SAMD12: variants seen among roughly 807,000 people sequenced by gnomAD.
SAMD12 encodes sterile alpha motif domain-containing protein 12.
In SAMD12, 9 loss-of-function variants were observed where a neutral mutation model predicts 15.0. The ratio of observed to expected loss-of-function variants is 0.60; its 90% CI spans 0.36 to 1.05. The LOEUF is 1.05. Among genes scored for constraint, SAMD12 ranks in the 50% least tolerant of loss-of-function variants. The probability of loss-of-function intolerance (pLI) is 0.01; values close to 1 mark genes in which losing one functional copy is unlikely to be tolerated. For synonymous variants in SAMD12, 86 were observed against 90.1 expected (o/e 0.96, Z 0.25); for missense variants, 230 against 234.2 (o/e 0.98, Z 0.12).
the SAMD12 span, among the ~76,000 whole-genome samples, chr8:118,141,036 A>G: frequency 6.6e-6 from 1 of 152,210 alleles, no homozygotes; most frequent in South Asian, 2.1e-4. Flanking sequence ...ACTAATAAAC[A>G]CTGCATTATT....
intron 4 of SAMD12, among the ~76,000 whole-genome samples, chr8:118,310,729 A>G (rs1815585477): frequency 6.6e-6 from 1 of 152,198 alleles, no homozygotes. Context: ...AGTCATTTCT[A>G]GAATGCCAGC....
intron 2 of SAMD12, among the ~76,000 whole-genome samples, chr8:118,536,176 A>G (rs1479785649): frequency 6.6e-6 from 1 of 152,068 alleles, no homozygotes; most frequent in Non-Finnish European, 1.5e-5. Context: ...CTAATTTTCT[A>G]TTAGGATATA....
chr8:118,339,591 G>A (rs983913339), intron 4 of SAMD12, among the ~76,000 whole-genome samples: 2 of 152,184 alleles, frequency 1.3e-5, no homozygotes, highest in South Asian at 2.1e-4. Flanking sequence ...ACGTGGCCTC[G>A]CTGCGTTTCT....
At chr8:118,135,682 A>G in the SAMD12 span, among the ~76,000 whole-genome samples, 1 of 152,180 alleles carries the variant, frequency 6.6e-6, no homozygotes. Context: ...AGCTGGGACC[A>G]TAGGCATGTG....
chr8:118,268,698 C>T (rs999833101), intron 4 of SAMD12, among the ~76,000 whole-genome samples: 2 of 152,064 alleles, frequency 1.3e-5, no homozygotes, highest in Admixed American at 6.5e-5. Context: ...CCTGTAATCC[C>T]AGCTACTTGG....
At chr8:118,523,391 C>T (rs1347712222) in intron 2 of SAMD12, among the ~76,000 whole-genome samples, 2 of 152,172 alleles carry the variant, frequency 1.3e-5, no homozygotes, top group East Asian at 3.9e-4. Flanking sequence ...TGAATCAGCT[C>T]CCATAATCTA....
chr8:118,472,701 G>A (rs1331475367), intron 2 of SAMD12, among the ~76,000 whole-genome samples: 2 of 152,066 alleles, frequency 1.3e-5, no homozygotes, highest in South Asian at 2.1e-4. Context: ...AATTAAAAAG[G>A]AAGAAGAGCA....
In SAMD12 at chr8:118,307,144, G is replaced by A. The variant is rs112907844; in HGVS notation, c.433+72416C>T. On this transcript the variant is annotated intron_variant, in intron 4 of 4. Coordinates refer to the SAMD12 transcript ENST00000409003. ...CACAAGAAAGGCCATTAGTGTCCTA[G>A]TCTGCTAGCCCCTCTTCATGGAGCT... is the stretch of plus-strand genomic sequence containing the variant. Among the ~76,000 whole-genome samples, 627 of 152,336 alleles carry A rather than the reference G, an allele frequency of 4.1e-3. 5 individuals are homozygous for A. Among genetic ancestry groups the A allele is most frequent in the African/African-American group, 0.014 (598 of 41,578 alleles).
chr8:118,292,039 T>C (rs967511142), intron 4 of SAMD12, among the ~76,000 whole-genome samples: 7 of 151,402 alleles, frequency 4.6e-5, no homozygotes, highest in Admixed American at 2.6e-4. Context: ...GAAATTGAAT[T>C]CTATTGCCCA....
Position 118,603,799 on chromosome 8 carries a change from G to T in SAMD12, c.13+18005C>A, listed in dbSNP as rs569524225. Among the ~76,000 whole-genome samples, 4 of 152,248 alleles carry T rather than the reference G, an allele frequency of 2.6e-5. No homozygotes were observed. In the East Asian group the frequency reaches 7.7e-4, roughly 29 times the overall value. ...GAACAAATATCAGAATTCTTTGGTG[G>T]GGGGAATTTCTTCAATGAGAAGAAA... is the stretch of plus-strand genomic sequence containing the variant. On this transcript the variant is annotated intron_variant, in intron 1 of 3. Coordinates refer to ENST00000314727, the MANE Select transcript of SAMD12 (RefSeq NM_207506.3).
chr8:118,339,928 G>A (rs1817266274), intron 4 of SAMD12, among the ~76,000 whole-genome samples: 1 of 152,218 alleles, frequency 6.6e-6, no homozygotes, highest in East Asian at 1.9e-4. Context: ...TGCTACCCAG[G>A]CGGCATGACC....
intron 4 of SAMD12, among the ~76,000 whole-genome samples, chr8:118,200,403 C>A (rs1324239508): frequency 4.6e-4 from 52 of 114,180 alleles, no homozygotes; most frequent in South Asian, 9.2e-4. Context: ...ATTAGAGTAC[C>A]AAAAAAAAAA....
chr8:118,591,935 C>T (rs917263458), intron 1 of SAMD12, among the ~76,000 whole-genome samples: 1 of 152,072 alleles, frequency 6.6e-6, no homozygotes, highest in Non-Finnish European at 1.5e-5. Flanking sequence ...ATTCAAAGGA[C>T]TTTTCATCCT....
chr8:118,451,647 G>A (rs1232880112), intron 2 of SAMD12, among the ~76,000 whole-genome samples: 1 of 152,154 alleles, frequency 6.6e-6, no homozygotes, highest in Admixed American at 6.5e-5. Context: ...CCATGCTGTT[G>A]GCACTGTGTT....
chr8:118,478,642 C>G (rs1445957475), intron 2 of SAMD12, among the ~76,000 whole-genome samples: 2 of 152,224 alleles, frequency 1.3e-5, no homozygotes, highest in Non-Finnish European at 2.9e-5. Context: ...AATGGCAGAA[C>G]TGACCAGGCA....
At chr8:118,521,086 G>A (rs376384897) in intron 2 of SAMD12, among the ~76,000 whole-genome samples, 11 of 152,280 alleles carry the variant, frequency 7.2e-5, no homozygotes, top group Admixed American at 2.6e-4. Flanking sequence ...CAGTGAGAAT[G>A]CCTGTCTGTT....
At chr8:118,242,162 T>A (rs1282929926) in intron 4 of SAMD12, among the ~76,000 whole-genome samples, 2 of 152,138 alleles carry the variant, frequency 1.3e-5, no homozygotes, top group African/African-American at 4.8e-5. Flanking sequence ...TGATCCACCC[T>A]CCTTGGCCTC....
At chr8:118,326,017 G>A (rs963937474) in intron 4 of SAMD12, among the ~76,000 whole-genome samples, 1 of 152,152 alleles carries the variant, frequency 6.6e-6, no homozygotes, top group Non-Finnish European at 1.5e-5. Context: ...ACTTCACGCC[G>A]GAAGCCCATG....
chr8:118,586,903 T>G (rs900773983), intron 1 of SAMD12, among the ~76,000 whole-genome samples: 5 of 152,196 alleles, frequency 3.3e-5, no homozygotes, highest in African/African-American at 4.8e-5. Context: ...GTAACATATA[T>G]TTTTCAAAAA....
Sources: allele counts gnomAD v4.1 joint callset (sites outside exome capture counted in the v4.1 genomes callset), GRCh38; gene constraint gnomAD v4.1.1; transcripts MANE v1.5; gene names NCBI Gene and HGNC (gene_info 2026-07-23, HGNC 2026-07-21).